Variants in CACNA1C observed in about 807,000 individuals in gnomAD.
CACNA1C encodes the protein calcium voltage-gated channel subunit alpha1 C, also known as voltage-dependent L-type calcium channel subunit alpha-1C.
A neutral mutation model predicts 229.0 loss-of-function variants in CACNA1C; 30 were observed. That is an observed-to-expected ratio of 0.13 (90% CI 0.10 to 0.18). The LOEUF (loss-of-function observed/expected upper bound fraction) is 0.18. CACNA1C is among the 10% of genes least tolerant of loss of function. CACNA1C has a pLI of 1.00. For synonymous variants in CACNA1C, 1,114 were observed against 1,132.5 expected (o/e 0.98, Z 0.33); for missense variants, 1,658 against 2,845.0 (o/e 0.58, Z 9.49).
chr12:2,135,457 G>A (rs961479452), intron 3 of CACNA1C, among the ~76,000 whole-genome samples: 2 of 138,064 alleles, frequency 1.4e-5, no homozygotes, highest in South Asian at 2.2e-4. Context: ...TTTGGTCTTT[G>A]ATGATGGTGA....
chr12:2,433,230 G>A (rs1218218627), intron 3 of CACNA1C, among the ~76,000 whole-genome samples: 2 of 152,200 alleles, frequency 1.3e-5, no homozygotes, highest in Admixed American at 1.3e-4. Context: ...AGAGATGAAA[G>A]GCATACAGAG....
At chr12:2,636,058 G>C (rs2092608605) in intron 30 of CACNA1C, among the ~76,000 whole-genome samples, 1 of 152,212 alleles carries the variant, frequency 6.6e-6, no homozygotes, top group Non-Finnish European at 1.5e-5. Flanking sequence ...CAGAGCTTCT[G>C]TGCCCAGAGC....
rs934306053 is a variant in CACNA1C, at chr12:2,054,776, C to T, written c.49+1165C>T. Among the ~76,000 whole-genome samples the T allele has an allele frequency of 6.6e-6, 1 of 152,214 alleles. No homozygotes were observed. Among genetic ancestry groups the T allele is most frequent in the African/African-American group, 2.4e-5 (1 of 41,456 alleles). The stretch of plus-strand genomic sequence containing the variant: ...AGTTCCCAGAGCCTCCCTGTTTGCA[C>T]TCTTCCTCTTCTCTTCCCCTGAAAG... On this transcript the variant is annotated intron_variant, in intron 1 of 46. Coordinates refer to ENST00000399655, the MANE Select transcript of CACNA1C (RefSeq NM_000719.7). This position sits in a 1 kb window ranked among gnomAD's most constrained non-coding sequence, Gnocchi z 5.5.
At chr12:2,263,146 G>A (rs1455022905) in intron 3 of CACNA1C, among the ~76,000 whole-genome samples, 2 of 152,178 alleles carry the variant, frequency 1.3e-5, no homozygotes, top group Non-Finnish European at 2.9e-5. Context: ...GGGAAATGGC[G>A]AGGTAAGTGC....
chr12:2,335,190 G>A (rs553612741), intron 3 of CACNA1C, among the ~76,000 whole-genome samples: 79 of 152,146 alleles, frequency 5.2e-4, no homozygotes, highest in Non-Finnish European at 9.9e-4. Context: ...TCACTCACCC[G>A]GCAGCCTCAT....
At chr12:2,431,221 G>A (rs1042437586) in intron 3 of CACNA1C, among the ~76,000 whole-genome samples, 6 of 152,102 alleles carry the variant, frequency 3.9e-5, no homozygotes, top group African/African-American at 1.2e-4. Flanking sequence ...CTGGAGTGGG[G>A]GCCAGGAGGC....
intron 9 of CACNA1C, among the ~76,000 whole-genome samples, chr12:2,544,563 A>G (rs1299469475): frequency 6.6e-6 from 1 of 152,206 alleles, no homozygotes; most frequent in Non-Finnish European, 1.5e-5. Flanking sequence ...CTAGGCTCAA[A>G]CACATCTTTA....
intron 1 of CACNA1C, among the ~76,000 whole-genome samples, chr12:2,000,355 T>C (rs1479150608): frequency 6.6e-6 from 1 of 152,182 alleles, no homozygotes; most frequent in African/African-American, 2.4e-5. Flanking sequence ...CCTTGGACTG[T>C]TTCATCTTAG....
At chr12:2,542,302 T>C (rs2099872478) in intron 9 of CACNA1C, among the ~76,000 whole-genome samples, 1 of 152,216 alleles carries the variant, frequency 6.6e-6, no homozygotes, top group Non-Finnish European at 1.5e-5. Flanking sequence ...AAGGAGAACA[T>C]GAGTGTTCAC....
chr12:2,047,656 A>G (rs1218328372), intron 1 of CACNA1C, among the ~76,000 whole-genome samples: 2 of 152,258 alleles, frequency 1.3e-5, no homozygotes, highest in African/African-American at 4.8e-5. Context: ...AAATATCTAA[A>G]CAAGTAACCT....
chr12:2,205,847 G>C (rs936054188), intron 3 of CACNA1C, among the ~76,000 whole-genome samples: 1 of 152,156 alleles, frequency 6.6e-6, no homozygotes, highest in Non-Finnish European at 1.5e-5. Context: ...CCTTCTTCCT[G>C]GCTCGTGGAC....
Position 2,102,739 on chromosome 12 carries a change from G to A in CACNA1C, c.50-12485G>A, listed in dbSNP as rs553860998. 3.3e-5 allele frequency among the ~76,000 whole-genome samples: 5 copies of A among 151,972 alleles called. No homozygotes were observed. The South Asian group carries it at 6.3e-4, about 19-fold the overall frequency. On this transcript the variant is annotated intron_variant, in intron 1 of 46. Coordinates refer to ENST00000399655, the MANE Select transcript of CACNA1C (RefSeq NM_000719.7). ...CTAATGCTATCCCTCCCCTATCCCC[G>A]TACTCCCCGAAAGGCCCTGGTGTAT...
chr12:2,003,091 G>A (rs1295050471), intron 1 of CACNA1C, among the ~76,000 whole-genome samples: 1 of 152,022 alleles, frequency 6.6e-6, no homozygotes, highest in Admixed American at 6.6e-5. Context: ...GCCCCATTCC[G>A]GCAAATTTCC....
chr12:2,396,189 TTCTA>T (rs2098568868), intron 3 of CACNA1C, among the ~76,000 whole-genome samples: 1 of 152,094 alleles, frequency 6.6e-6, no homozygotes, highest in Non-Finnish European at 1.5e-5. Flanking sequence ...TTTCCTGGGG[TTCTA>T]TCTGTGCCAA....
chr12:2,612,889 C>G (rs2078514324), intron 29 of CACNA1C: 1 of 152,266 alleles, frequency 6.6e-6, no homozygotes, highest in Non-Finnish European at 1.5e-5. Context: ...GCTACCATAA[C>G]ACCTTTTGGA....
intron 11 of CACNA1C, among the ~76,000 whole-genome samples, chr12:2,565,548 G>C (rs2050365738): frequency 1.3e-5 from 2 of 152,010 alleles, no homozygotes; most frequent in Admixed American, 6.5e-5. Flanking sequence ...GGGGCTTGCG[G>C]ACCAGTGGGG....
chr12:2,124,823 G>T (rs1333474972), intron 3 of CACNA1C, among the ~76,000 whole-genome samples: 1 of 152,170 alleles, frequency 6.6e-6, no homozygotes, highest in Non-Finnish European at 1.5e-5. Context: ...TATTTGAGGG[G>T]CAGGGAATGA....
intron 2 of CACNA1C, among the ~76,000 whole-genome samples, chr12:2,117,653 G>T (rs1221939503): frequency 6.6e-6 from 1 of 152,268 alleles, no homozygotes; most frequent in Non-Finnish European, 1.5e-5. Flanking sequence ...GTACTGGGTA[G>T]GACTAGGCAG....
chr12:2,449,000 A>T lies in CACNA1C; in HGVS notation c.502A>T (p.Ile168Leu). The T allele has an allele frequency of 6.2e-7, 1 of 1,609,398 alleles. No individual in the cohort carries two copies. The change falls in exon 4 of 47, where the codon ATA becomes TTA. Residue 168 changes from isoleucine (I) to leucine (L), a missense_variant. Physicochemically the swap from Ile to Leu is conservative, Grantham distance 5. This residue lies in a region of CACNA1C where 89 missense variants were observed against 177.8 expected (regional missense o/e 0.50). Coordinates refer to ENST00000399655, the MANE Select transcript of CACNA1C (RefSeq NM_000719.7). ...NLERVEYLFL[I>L]IFTVEAFLKV... ...GGAACGAGTGGAATATCTCTTTCTC[A>T]TAATTTTTACGGTGGAAGCGTTTTT...
Sources: allele counts gnomAD v4.1 joint callset (sites outside exome capture counted in the v4.1 genomes callset), GRCh38; gene constraint gnomAD v4.1.1; regional missense constraint gnomAD v4.1.1; non-coding constraint Gnocchi (gnomAD v3.1); transcripts MANE v1.5; gene names NCBI Gene and HGNC (gene_info 2026-07-23, HGNC 2026-07-21).